The following GPC3 variants were observed in gnomAD, a reference collection of about 807,000 sequenced individuals.
GPC3 encodes the protein glypican 3, also known as glypican-3.
In GPC3, 3 loss-of-function variants were observed where a neutral mutation model predicts 34.4. The observed-to-expected ratio is 0.09, with a 90% CI of 0.04 to 0.23. The LOEUF is 0.23. Among genes scored for constraint, GPC3 ranks in the 10% least tolerant of loss-of-function variants. The pLI, the probability that GPC3 is intolerant of heterozygous loss-of-function variation, is 1.00. For synonymous variants in GPC3, 177 were observed against 174.0 expected, an observed-to-expected ratio of 1.02 and a Z score of -0.13; for missense variants, 351 against 445.6, an observed-to-expected ratio of 0.79 and a Z score of 1.91.
At chrX:133,636,050 G>GCC (rs1036283524) in intron 6 of GPC3, among the ~76,000 whole-genome samples, 5 of 111,061 alleles carry the variant, frequency 4.5e-5, no homozygotes, top group African/African-American at 1.6e-4. Flanking sequence ...TGCTTACTCT[G>GCC]CCGTACACAC....
chrX:133,559,600 G>A (rs1475027187), intron 7 of GPC3, among the ~76,000 whole-genome samples: 1 of 111,398 alleles, frequency 9.0e-6, no homozygotes, highest in Non-Finnish European at 1.9e-5. Context: ...GTTCTGAGAA[G>A]AGAAACCTGG....
At chrX:133,598,611 T>G (rs1338358687) in intron 6 of GPC3, among the ~76,000 whole-genome samples, 1 of 111,957 alleles carries the variant, frequency 8.9e-6, no homozygotes, top group East Asian at 2.8e-4. Flanking sequence ...AGAGAAGTAT[T>G]TTAGCAGACT....
chrX:133,841,039 A>T (rs777477824), intron 2 of GPC3, among the ~76,000 whole-genome samples: 1 of 106,934 alleles, frequency 9.4e-6, no homozygotes, highest in African/African-American at 3.5e-5. Context: ...TATTTTTAAA[A>T]AATTCTTCTA....
chrX:133,691,518 A>C (rs1475761618), intron 5 of GPC3, among the ~76,000 whole-genome samples: 1 of 110,457 alleles, frequency 9.1e-6, no homozygotes, highest in South Asian at 3.9e-4. Context: ...AACAAACAAA[A>C]AAACAAAACA....
At chrX:133,964,961 A>G (rs2076456753) in intron 1 of GPC3, among the ~76,000 whole-genome samples, 2 of 111,404 alleles carry the variant, frequency 1.8e-5, no homozygotes, top group Admixed American at 1.9e-4. Context: ...TTTATTTCCC[A>G]GGTCCTCAAT....
rs184464633 is a variant in GPC3, at chrX:133,711,148, T to C, written c.1033-11120A>G. On this transcript the variant is annotated intron_variant, in intron 3 of 7. Transcript: ENST00000370818. ...AACTTCTCTACATCCAGACACGAAG[T>C]CTTGTTTATTGTCTCTTATAAATAA... 3.0e-3 allele frequency among the ~76,000 whole-genome samples: 337 copies of C among 112,221 alleles called. 3 individuals are homozygous for C. The highest frequency in any genetic ancestry group is 0.01 in the African/African-American group (320 of 30,891).
At chrX:133,708,414 G>A (rs1367788177) in intron 3 of GPC3, among the ~76,000 whole-genome samples, 2 of 111,194 alleles carry the variant, frequency 1.8e-5, no homozygotes, top group Admixed American at 9.6e-5. Context: ...TTTCCATATG[G>A]CAATGTCACA....
At chrX:133,666,404 T>G (rs1168316386) in intron 5 of GPC3, among the ~76,000 whole-genome samples, 1 of 112,570 alleles carries the variant, frequency 8.9e-6, no homozygotes, top group Non-Finnish European at 1.9e-5. Flanking sequence ...GGTTTCTGGT[T>G]ACAGAAGTGT....
Position 133,564,933 on chromosome X carries a change from T to A in GPC3, c.1574-28640A>T, listed in dbSNP as rs188510691. Among the ~76,000 whole-genome samples the A allele has an allele frequency of 2.8e-4, 31 of 112,351 alleles. No individual in the cohort carries two copies. The East Asian group carries it at 5.6e-3, about 20-fold the overall frequency. On this transcript the variant is annotated intron_variant, in intron 7 of 7. Transcript: ENST00000370818. Reference sequence around the variant, plus strand: ...AACAATTTACAAATTCTTCTTTCTCTCAAGGATCTTTCTGGCACAATCAAT... The same window carrying A: ...AACAATTTACAAATTCTTCTTTCTCACAAGGATCTTTCTGGCACAATCAAT...
intron 6 of GPC3, among the ~76,000 whole-genome samples, chrX:133,620,557 G>T (rs1364815358): frequency 2.7e-5 from 3 of 111,328 alleles, no homozygotes; most frequent in Non-Finnish European, 5.7e-5. Context: ...TCCTTGCTCA[G>T]CCCAGGGTGT....
chrX:133,939,799 C>CT (rs1476080300), intron 2 of GPC3, among the ~76,000 whole-genome samples: 1 of 111,422 alleles, frequency 9.0e-6, no homozygotes, highest in Non-Finnish European at 1.9e-5. Context: ...TTGGGTTTTT[C>CT]TTTTTTTAAT....
At chrX:133,721,108 GA>G (rs372717148) in intron 3 of GPC3, among the ~76,000 whole-genome samples, 7,929 of 97,157 alleles carry the variant, frequency 0.082, 707 homozygotes, top group African/African-American at 0.25. Flanking sequence ...TAAGAAACTA[GA>G]AAAAAAAAAA....
rs149435716 is a variant in GPC3, at chrX:133,764,261, G to T, written c.338-10085C>A. Among the ~76,000 whole-genome samples the T allele has an allele frequency of 7.8e-3, 860 of 110,954 alleles. 5 individuals carry two copies. The highest frequency in any genetic ancestry group is 0.026 in the African/African-American group (800 of 30,557). On this transcript the variant is annotated intron_variant, in intron 2 of 7. Transcript: ENST00000370818. ...TAAAGATGGTAAGAATAGAAACTGG[G>T]AACTACAGGGGTGGGGGTTTAAAAA...
rs1370946596 is a variant in GPC3 at position 133,951,076 on chromosome X, G to GTGTGTGTGTC, written c.337+1973_337+1974insGACACACACA. ...TGTGTGTGTGTGTGTGTGTGTGTGT[G>GTGTGTGTGTC]TGTGTGTGTGTGTGTGTGAAGTGAA... On this transcript the variant is annotated intron_variant, in intron 2 of 7. Coordinates refer to ENST00000370818, the MANE Select transcript of GPC3 (RefSeq NM_004484.4). Among the ~76,000 whole-genome samples the GTGTGTGTGTC allele has an allele frequency of 2.8e-5, 3 of 107,429 alleles. No homozygotes were observed. In the East Asian group the frequency reaches 8.8e-4, roughly 32 times the overall value. The allele number at this position is 107,429 out of a possible 115,157, so 93.3% of individuals were successfully genotyped here.
At chrX:133,841,744 A>G (rs1186338572) in intron 2 of GPC3, among the ~76,000 whole-genome samples, 1 of 111,839 alleles carries the variant, frequency 8.9e-6, no homozygotes, top group African/African-American at 3.3e-5. Context: ...TTGCCAAAAG[A>G]GATTAATATT....
At position 133,579,794 on chromosome X, in the gene GPC3, C is replaced by T. The variant is rs1312132667; in HGVS notation, c.1573+16646G>A. Reference sequence around the variant, plus strand: ...CAAGTGATCCTCCCACCTCGCCCTCCCACAGTGCCAGGATTACAGAAGCAA... The same window carrying T: ...CAAGTGATCCTCCCACCTCGCCCTCTCACAGTGCCAGGATTACAGAAGCAA... On this transcript the variant is annotated intron_variant, in intron 7 of 7. Coordinates refer to ENST00000370818, the MANE Select transcript of GPC3 (RefSeq NM_004484.4). 2.7e-5 allele frequency among the ~76,000 whole-genome samples: 3 copies of T among 111,585 alleles called. No homozygotes were observed. The East Asian group carries it at 8.5e-4, about 32-fold the overall frequency.
intron 5 of GPC3, among the ~76,000 whole-genome samples, chrX:133,665,676 AC>A (rs1001280912): frequency 8.9e-6 from 1 of 112,298 alleles, no homozygotes; most frequent in African/African-American, 3.2e-5. Context: ...ATCATCAAAT[AC>A]CAATTGCCTT....
intron 1 of GPC3, among the ~76,000 whole-genome samples, chrX:133,982,530 A>G (rs2076545472): frequency 8.9e-6 from 1 of 112,041 alleles, no homozygotes; most frequent in African/African-American, 3.2e-5. Context: ...CCAGTGATTT[A>G]TTTTTTAGGC....
At chrX:133,908,184 T>C (rs1475124725) in intron 2 of GPC3, among the ~76,000 whole-genome samples, 2 of 111,639 alleles carry the variant, frequency 1.8e-5, no homozygotes, top group Non-Finnish European at 3.8e-5. Flanking sequence ...ATTCAAAAAC[T>C]TTTAGGACCT....
Sources: gnomAD v4.1 joint callset for allele counts (sites outside exome capture counted in the v4.1 genomes callset) on GRCh38, gnomAD v4.1.1 for gene constraint, MANE v1.5 for transcripts, NCBI Gene and HGNC (gene_info 2026-07-23, HGNC 2026-07-21) for gene names.